ASPH: variants seen among roughly 807,000 people sequenced by gnomAD.
The protein encoded by ASPH is aspartyl/asparaginyl beta-hydroxylase.
In ASPH, 100 loss-of-function variants were observed where a neutral mutation model predicts 118.4. The observed-to-expected ratio is 0.84, with a 90% CI of 0.72 to 1.00. The LOEUF (loss-of-function observed/expected upper bound fraction) is 1.00, where lower values mean the gene tolerates loss of function less well. ASPH is among the 50% of genes least tolerant of loss of function. ASPH has a pLI of 0.00. For missense variants in ASPH, 920 were observed against 919.5 expected, an observed-to-expected ratio of 1.00 and a Z score of -0.01; for synonymous variants, 315 against 325.6, an observed-to-expected ratio of 0.97 and a Z score of 0.35.
chr8:61,524,257 C>T (rs921296365), intron 22 of ASPH, among the ~76,000 whole-genome samples: 13 of 151,660 alleles, frequency 8.6e-5, no homozygotes, highest in Admixed American at 5.2e-4. Flanking sequence ...GGGAATACAT[C>T]CAAACCTGTA....
At chr8:61,572,683 C>T (rs1833823177) in intron 16 of ASPH, among the ~76,000 whole-genome samples, 1 of 152,160 alleles carries the variant, frequency 6.6e-6, no homozygotes, top group Non-Finnish European at 1.5e-5. Flanking sequence ...TCCAAGCCAC[C>T]AGCATCTCTT....
intron 14 of ASPH, among the ~76,000 whole-genome samples, chr8:61,597,199 A>AAAG (rs1444774990): frequency 6.7e-6 from 1 of 149,600 alleles, no homozygotes; most frequent in African/African-American, 2.4e-5. Flanking sequence ...CAGTCAGGAA[A>AAAG]AAAAAAAAAA....
At chr8:61,633,775 GTTTAAAATATGCGTTGCCAGA>G in intron 12 of ASPH, 48 bp from the exon 13 acceptor site, 1 of 1,326,384 alleles carries the variant, frequency 7.5e-7, no homozygotes, top group Non-Finnish European at 1.0e-6. Context: ...GCTGATCAGT[GTTTAAAATATGCGTTGCCAGA>G]TTTAAGTAAT....
At chr8:61,706,404 CAAAAAAAAAAAAA>C (rs55731088) in intron 1 of ASPH, among the ~76,000 whole-genome samples, 4 of 70,556 alleles carry the variant, frequency 5.7e-5, no homozygotes, top group African/African-American at 1.8e-4. Context: ...GGTCATGACT[CAAAAAAAAAAAAA>C]AAAAAAAAAA....
At chr8:61,652,030 A>T (rs946461235) in intron 4 of ASPH, among the ~76,000 whole-genome samples, 52 of 152,236 alleles carry the variant, frequency 3.4e-4, no homozygotes, top group African/African-American at 1.2e-3. Context: ...CAGGAAGGAA[A>T]AGAGTTTAAA....
At chr8:61,671,132 G>C (rs953961763) in intron 3 of ASPH, among the ~76,000 whole-genome samples, 6 of 152,280 alleles carry the variant, frequency 3.9e-5, no homozygotes, top group African/African-American at 1.4e-4. Context: ...ATATTAGTTT[G>C]CGGGCATTAG....
intron 3 of ASPH, chr8:61,661,370 G>A (rs1816834500): frequency 6.6e-6 from 1 of 152,184 alleles, no homozygotes; most frequent in Non-Finnish European, 1.5e-5. Flanking sequence ...ACCATGTGCT[G>A]GCTGTTTACA....
rs10099005 is a variant in ASPH at position 61,664,503 on chromosome 8, G to C, written c.323-10843C>G. 1.3e-3 allele frequency: 1,311 copies of C among 984,890 alleles called. 13 individuals carry two copies. The African/African-American group carries it at 0.02, about 15-fold the overall frequency. The allele number at this position is 984,890 out of a possible 1,614,324, so 61.0% of individuals were successfully genotyped here. On this transcript the variant is annotated intron_variant, in intron 3 of 24. Coordinates refer to ENST00000379454, the MANE Select transcript of ASPH (RefSeq NM_004318.4). ...GGCCACAGTTCTCGGAGCAGTGTAT[G>C]TGGCACATGGTAAGCACTAAGTATG...
chr8:61,712,313 C>T lies in ASPH; in HGVS notation c.103+1956G>A, dbSNP rs375222354. 7.9e-5 allele frequency among the ~76,000 whole-genome samples: 12 copies of T among 152,270 alleles called. No individual in the cohort carries two copies. The East Asian group carries it at 1.5e-3, about 20-fold the overall frequency. ...TCTTTCGAGTACAGCCTACTATACA[C>T]GACACTGTACTTTAACTGTTTAGGG... On this transcript the variant is annotated intron_variant, in intron 1 of 24. Transcript: ENST00000379454.
intron 15 of ASPH, chr8:61,579,200 GA>G (rs1836507304): frequency 3.1e-6 from 5 of 1,613,200 alleles, no homozygotes; most frequent in Non-Finnish European, 4.2e-6. Flanking sequence ...TCAAAGGCCA[GA>G]GGGCTTCCCT....
chr8:61,504,087 T>C (rs975671080), intron 24 of ASPH, among the ~76,000 whole-genome samples: 1 of 152,192 alleles, frequency 6.6e-6, no homozygotes, highest in African/African-American at 2.4e-5. Flanking sequence ...GGGTTATCCA[T>C]GGGATATTTT....
intron 24 of ASPH, among the ~76,000 whole-genome samples, chr8:61,505,063 T>A (rs1455313632): frequency 6.6e-6 from 1 of 152,052 alleles, no homozygotes; most frequent in African/African-American, 2.4e-5. Flanking sequence ...AAGGACCCGA[T>A]GAGAGATAAT....
At chr8:61,551,468 C>T (rs747647795) in intron 20 of ASPH, among the ~76,000 whole-genome samples, 3 of 152,190 alleles carry the variant, frequency 2.0e-5, no homozygotes, top group Admixed American at 6.5e-5. Context: ...CCTGTAAGAA[C>T]GAATCCTTCT....
chr8:61,676,011 A>C lies in ASPH; in HGVS notation c.322+4957T>G, dbSNP rs1825135074. The stretch of plus-strand genomic sequence containing the variant: ...ATTAAGCCCTGCATAAGCCAAGGAA[A>C]GAAAAGAAAAAGGAGGCTGCTTCAG... On this transcript the variant is annotated intron_variant, in intron 3 of 24. Transcript: ENST00000379454. 5.1e-6 allele frequency: 8 copies of C among 1,580,228 alleles called. No individual in the cohort carries two copies. The South Asian group carries it at 8.0e-5, about 16-fold the overall frequency.
At chr8:61,615,394 T>C (rs1848683284) in intron 14 of ASPH, among the ~76,000 whole-genome samples, 1 of 152,154 alleles carries the variant, frequency 6.6e-6, no homozygotes, top group Non-Finnish European at 1.5e-5. Flanking sequence ...ATATTCCTTT[T>C]CACACTTCAC....
chr8:61,610,154 T>C (rs563940200), intron 14 of ASPH, among the ~76,000 whole-genome samples: 25 of 152,212 alleles, frequency 1.6e-4, no homozygotes, highest in Non-Finnish European at 3.4e-4. Context: ...TTATACAAAT[T>C]AGCTTTGTAA....
intron 24 of ASPH, among the ~76,000 whole-genome samples, chr8:61,514,960 C>T (rs751820357): frequency 4.2e-5 from 5 of 119,640 alleles, no homozygotes; most frequent in South Asian, 3.2e-4. Flanking sequence ...AGGCAGGAGG[C>T]GGGTGGACAG....
rs941694773 is a variant in ASPH, at chr8:61,644,430, G to C, written c.652+170C>G. The stretch of plus-strand genomic sequence containing the variant: ...GAACTAGGCATCAAAACACAAAAAA[G>C]TATATTCACAAAGAAATACCATAAA... On this transcript the variant is annotated intron_variant, in intron 7 of 24. Coordinates refer to ENST00000379454, the MANE Select transcript of ASPH (RefSeq NM_004318.4). Among the ~76,000 whole-genome samples, 10 of 152,098 alleles carry C rather than the reference G, an allele frequency of 6.6e-5. No individual in the cohort carries two copies. The East Asian group carries it at 9.6e-4, about 15-fold the overall frequency.
Position 61,643,925 on chromosome 8 carries a change from T to C in ASPH, c.709+20A>G. On this transcript the variant is annotated intron_variant, in intron 8 of 24. Coordinates refer to ENST00000379454, the MANE Select transcript of ASPH (RefSeq NM_004318.4). ...GCCTCAATCAGAAAACACATATCAA[T>C]AATTTTAACATTTACAAACCTGGAT... is the stretch of plus-strand genomic sequence containing the variant. 2.5e-6 allele frequency: 4 copies of C among 1,599,860 alleles called. No homozygotes were observed. The highest frequency in any genetic ancestry group is 3.4e-6 in the Non-Finnish European group (4 of 1,168,118).
Sources: gnomAD v4.1 joint callset for allele counts (sites outside exome capture counted in the v4.1 genomes callset) on GRCh38, gnomAD v4.1.1 for gene constraint, MANE v1.5 for transcripts, NCBI Gene and HGNC (gene_info 2026-07-23, HGNC 2026-07-21) for gene names.